FAT4: variants seen among roughly 807,000 people sequenced by gnomAD.
FAT4 encodes the protein FAT atypical cadherin 4.
FAT4 carries 84 observed loss-of-function variants against 303.9 expected under a neutral mutation model. That is an observed-to-expected ratio of 0.28 (90% confidence interval 0.23 to 0.33). The LOEUF is 0.33. Ranked by LOEUF, FAT4 falls within the 10% of genes least tolerant of loss-of-function variation. The pLI, the probability that FAT4 is intolerant of heterozygous loss-of-function variation, is 1.00. For synonymous variants in FAT4, 2,307 were observed against 2,298.8 expected (o/e 1.00, Z -0.10); for missense variants, 6,005 against 6,146.8 (o/e 0.98, Z 0.77).
intron 5 of FAT4, among the ~76,000 whole-genome samples, chr4:125,411,280 A>T (rs74736812): frequency 0.023 from 3,518 of 152,130 alleles, 172 homozygotes; most frequent in Admixed American, 0.13. Flanking sequence ...TGTTTTCACA[A>T]GAAGGGTAAT....
intron 2 of FAT4, among the ~76,000 whole-genome samples, chr4:125,350,263 T>C (rs1008642477): frequency 5.3e-5 from 8 of 151,638 alleles, no homozygotes; most frequent in African/African-American, 1.9e-4. Context: ...TTTCTACCAA[T>C]GAGATGAGAT....
chr4:125,449,954 G>A lies in FAT4; in HGVS notation c.8944G>A (p.Ala2982Thr), dbSNP rs1470512918. Residue 2982 changes from alanine to threonine, a missense_variant, in exon 10 of 18, where the codon GCA becomes ACA. By Grantham distance (58) the Ala-to-Thr change is moderately conservative (BLOSUM62 0). Transcript: ENST00000394329. ...CAATATAGTGGACAGTAATGACAAT[G>A]CACCTCAATTTCTTAAAAGTAAATA... ...TINIVDSNDNAPQFLKSKYFT... is the reference protein window; with the variant it reads ...TINIVDSNDNTPQFLKSKYFT... 1 of 1,613,726 alleles carries A rather than the reference G, an allele frequency of 6.2e-7. No homozygotes were observed. The highest frequency in any genetic ancestry group is 2.2e-5 in the East Asian group (1 of 44,846).
chr4:125,463,142 G>T (rs1479806632), intron 10 of FAT4, among the ~76,000 whole-genome samples: 1 of 151,822 alleles, frequency 6.6e-6, no homozygotes, highest in Non-Finnish European at 1.5e-5. Flanking sequence ...TGATAAATAA[G>T]ATAAGTTATT....
chr4:125,468,872 A>G (rs1726765548), intron 12 of FAT4, 53 bp downstream of exon 12: 1 of 1,527,100 alleles, frequency 6.5e-7, no homozygotes, highest in Admixed American at 1.8e-5. Flanking sequence ...CTTCAAATAA[A>G]GTATGAATTG....
At chr4:125,355,302 A>T (rs114225627) in intron 2 of FAT4, among the ~76,000 whole-genome samples, 1 of 152,006 alleles carries the variant, frequency 6.6e-6, no homozygotes, top group African/African-American at 2.4e-5. Flanking sequence ...AGAGTTGGCT[A>T]GTTATAACAG....
intron 8 of FAT4, among the ~76,000 whole-genome samples, chr4:125,439,963 C>A (rs536762981): frequency 6.6e-6 from 1 of 152,292 alleles, no homozygotes; most frequent in African/African-American, 2.4e-5. Context: ...TTACTAACCA[C>A]CTACTATGTA....
chr4:125,393,646 A>AT (rs1298810458), intron 2 of FAT4, among the ~76,000 whole-genome samples: 2 of 152,198 alleles, frequency 1.3e-5, no homozygotes, highest in Non-Finnish European at 2.9e-5. Context: ...CCACAGAAAT[A>AT]TTTTTTAGTT....
chr4:125,380,870 T>C (rs1441507884), intron 2 of FAT4, among the ~76,000 whole-genome samples: 1 of 152,206 alleles, frequency 6.6e-6, no homozygotes, highest in Non-Finnish European at 1.5e-5. Flanking sequence ...AATGCAATCA[T>C]TTATTATATT....
chr4:125,490,085 C>T lies in FAT4; in HGVS notation c.13269C>T (p.Ala4423=). 6.2e-7 allele frequency: 1 copy of T among 1,614,038 alleles called. No homozygotes were observed. Among genetic ancestry groups the T allele is most frequent in the Non-Finnish European group, 8.5e-7 (1 of 1,180,004 alleles). ...TGCTGTGCATTAATCAGTGGTATGC[C>T]TACAGGTGTGTCCCTCCTGGGGACT... is the stretch of plus-strand genomic sequence containing the variant. ...GDLLCINQWY[A]YRCVPPGDCA... Residue 4423 remains alanine (A), a synonymous_variant, in exon 18 of 18, where the codon GCC becomes GCT. Coordinates refer to ENST00000394329, the MANE Select transcript of FAT4 (RefSeq NM_001291303.3).
At position 125,448,552 on chromosome 4, in the gene FAT4, A is replaced by T. The variant is rs1950613501; in HGVS notation, c.7542A>T (p.Lys2514Asn). ...CTCTTTCGGGTAGAAATTCTGAAAA[A>T]TTTCACATTGACCCACTGAGGGGAG... ...HYSLSGRNSE[K>N]FHIDPLRGAI... The change falls in exon 10 of 18, where the codon AAA (lysine) becomes AAT (asparagine). Residue 2514 changes from lysine (K) to asparagine (N), a missense_variant. Lys to Asn is a moderately conservative substitution (Grantham distance 94, BLOSUM62 0). Transcript: ENST00000394329. 6.2e-7 allele frequency: 1 copy of T among 1,613,904 alleles called. No homozygotes were observed. Among genetic ancestry groups the T allele is most frequent in the Non-Finnish European group, 8.5e-7 (1 of 1,179,892 alleles).
chr4:125,335,622 A>C (rs2125962440), intron 2 of FAT4, among the ~76,000 whole-genome samples: 1 of 152,230 alleles, frequency 6.6e-6, no homozygotes. Context: ...AGTGTTTCCT[A>C]AAGTCAATTT....
intron 5 of FAT4, among the ~76,000 whole-genome samples, chr4:125,412,354 G>A (rs1381239770): frequency 6.6e-6 from 1 of 151,680 alleles, no homozygotes; most frequent in Non-Finnish European, 1.5e-5. Context: ...TGAGATGAGA[G>A]CTACTTCTTC....
chr4:125,463,520 TTATG>T (rs762199223), intron 10 of FAT4, 39 bp from the exon 11 acceptor site: 1 of 1,207,188 alleles, frequency 8.3e-7, no homozygotes, highest in East Asian at 2.6e-5. Context: ...GTTAATATAT[TTATG>T]TATGAGATTT....
At chr4:125,438,669 C>T (rs939772866) in intron 8 of FAT4, among the ~76,000 whole-genome samples, 4 of 152,082 alleles carry the variant, frequency 2.6e-5, no homozygotes, top group African/African-American at 9.7e-5. Flanking sequence ...ACAATTATTG[C>T]AGCTTAAATA....
intron 7 of FAT4, among the ~76,000 whole-genome samples, chr4:125,428,369 C>G (rs537608295): frequency 2.6e-4 from 39 of 152,276 alleles, no homozygotes; most frequent in Non-Finnish European, 3.7e-4. Flanking sequence ...AGCTACCAGT[C>G]TTAAAGGCAA....
At chr4:125,384,653 G>T (rs1208284854) in intron 2 of FAT4, among the ~76,000 whole-genome samples, 4 of 151,952 alleles carry the variant, frequency 2.6e-5, no homozygotes, top group African/African-American at 9.7e-5. Flanking sequence ...GGTTTAAATT[G>T]TGATGAAGTC....
intron 7 of FAT4, among the ~76,000 whole-genome samples, chr4:125,424,229 C>T (rs1309660077): frequency 1.3e-5 from 2 of 152,042 alleles, no homozygotes; most frequent in Admixed American, 6.5e-5. Flanking sequence ...TCCCTTAATC[C>T]CCATGTGTCC....
chr4:125,421,889 A>G (rs1172476591), intron 7 of FAT4, among the ~76,000 whole-genome samples: 1 of 152,170 alleles, frequency 6.6e-6, no homozygotes, highest in Non-Finnish European at 1.5e-5. Flanking sequence ...TTGCTCATCC[A>G]TATCATATTT....
chr4:125,488,387 A>G (rs1296139166), intron 17 of FAT4, among the ~76,000 whole-genome samples: 5 of 152,182 alleles, frequency 3.3e-5, no homozygotes, highest in Admixed American at 1.3e-4. Context: ...AATATTACAG[A>G]TCATTCAGGC....
Sources: allele counts gnomAD v4.1 joint callset (sites outside exome capture counted in the v4.1 genomes callset), GRCh38; gene constraint gnomAD v4.1.1; transcripts MANE v1.5; gene names NCBI Gene and HGNC (gene_info 2026-07-23, HGNC 2026-07-21).